The following GNG7 variants were observed in gnomAD, a reference collection of about 807,000 sequenced individuals.
The protein encoded by GNG7 is guanine nucleotide-binding protein G(I)/G(S)/G(O) subunit gamma-7.
A neutral mutation model predicts 4.0 loss-of-function variants in GNG7; 1 was observed. That is an observed-to-expected ratio of 0.25 (90% CI 0.09 to 1.18). The LOEUF (loss-of-function observed/expected upper bound fraction) is 1.18. Ranked by LOEUF, GNG7 falls within the 50% of genes most tolerant of loss-of-function variation. The pLI, the probability that GNG7 is intolerant of heterozygous loss-of-function variation, is 0.50. For missense variants in GNG7, 86 were observed against 91.9 expected, an observed-to-expected ratio of 0.94 and a Z score of 0.26; for synonymous variants, 34 against 36.9, an observed-to-expected ratio of 0.92 and a Z score of 0.29.
chr19:2,568,781 CAT>C (rs1405811819), intron 2 of GNG7, among the ~76,000 whole-genome samples: 6 of 133,506 alleles, frequency 4.5e-5, no homozygotes, highest in Admixed American at 4.3e-4. Context: ...CATAAATACA[CAT>C]ACACACATAT....
intron 3 of GNG7, among the ~76,000 whole-genome samples, chr19:2,542,677 A>G (rs921801503): frequency 6.6e-6 from 1 of 152,092 alleles, no homozygotes; most frequent in African/African-American, 2.4e-5. Context: ...GCCACCACAT[A>G]TGCAGTAGTT....
Position 2,614,683 on chromosome 19 carries a change from A to AC in GNG7, c.-78+31540dup, listed in dbSNP as rs1293215978. ...GGAGGGCCACGCTGTTTATCTATTT[A>AC]CCCACGGACGGACACTTGGGTCATT... is the stretch of plus-strand genomic sequence containing the variant. On this transcript the variant is annotated intron_variant, in intron 2 of 4. Coordinates refer to ENST00000382159, the MANE Select transcript of GNG7 (RefSeq NM_052847.3). This position sits in a 1 kb window ranked among gnomAD's most constrained non-coding sequence, Gnocchi z 6.0. 6.6e-6 allele frequency among the ~76,000 whole-genome samples: 1 copy of AC among 152,046 alleles called. No individual in the cohort carries two copies. The highest frequency in any genetic ancestry group is 1.5e-5 in the Non-Finnish European group (1 of 68,026).
chr19:2,565,091 T>G (rs1270071825), intron 2 of GNG7, among the ~76,000 whole-genome samples: 1 of 152,144 alleles, frequency 6.6e-6, no homozygotes, highest in African/African-American at 2.4e-5. Flanking sequence ...CCTGTAGCCA[T>G]GACAACAGAA....
At chr19:2,671,385 C>A (rs557133697) in intron 1 of GNG7, among the ~76,000 whole-genome samples, 118 of 152,204 alleles carry the variant, frequency 7.8e-4, no homozygotes, top group Non-Finnish European at 1.3e-3. Flanking sequence ...CCAGCACCAG[C>A]CAAAAGGACC....
intron 2 of GNG7, among the ~76,000 whole-genome samples, chr19:2,619,592 G>A (rs1981811858): frequency 6.6e-6 from 1 of 152,204 alleles, no homozygotes; most frequent in Non-Finnish European, 1.5e-5. Flanking sequence ...GCCATGAAAA[G>A]GAACAAGGCT....
intron 2 of GNG7, among the ~76,000 whole-genome samples, chr19:2,563,506 T>A (rs1295474514): frequency 2.0e-5 from 3 of 151,106 alleles, no homozygotes; most frequent in African/African-American, 7.3e-5. Flanking sequence ...TTGAGATAGG[T>A]TTCATTTCTG....
chr19:2,575,082 TTTCTTTC>T (rs1568249630), intron 2 of GNG7, among the ~76,000 whole-genome samples: 3 of 127,142 alleles, frequency 2.4e-5, no homozygotes, highest in African/African-American at 4.2e-5. Flanking sequence ...CCTTTTTTTC[TTTCTTTC>T]TTTTTTTTTT....
At chr19:2,627,534 G>A (rs558471106) in intron 2 of GNG7, among the ~76,000 whole-genome samples, 4 of 152,354 alleles carry the variant, frequency 2.6e-5, no homozygotes, top group East Asian at 1.9e-4. Flanking sequence ...CCACCCAGGC[G>A]TGCCAGCCAG....
At chr19:2,596,843 T>C (rs1411279696) in intron 2 of GNG7, among the ~76,000 whole-genome samples, 1 of 152,200 alleles carries the variant, frequency 6.6e-6, no homozygotes, top group African/African-American at 2.4e-5. Context: ...TCTTTACAAA[T>C]ATATTCTCAA....
At chr19:2,556,382 C>CTGGGCCGGGT (rs1979544937) in intron 2 of GNG7, among the ~76,000 whole-genome samples, 2 of 152,246 alleles carry the variant, frequency 1.3e-5, no homozygotes, top group South Asian at 4.1e-4. Flanking sequence ...CGAGGCCGGG[C>CTGGGCCGGGT]TGGGCCGGGT....
intron 1 of GNG7, among the ~76,000 whole-genome samples, chr19:2,650,183 C>CTTTTTTTTTTT (rs529803793): frequency 2.4e-5 from 3 of 125,994 alleles, no homozygotes; most frequent in Non-Finnish European, 3.2e-5. Flanking sequence ...TCATAGGAAT[C>CTTTTTTTTTTT]TTTTTTTTTT....
At chr19:2,644,503 CATAAA>C (rs1162015247) in intron 2 of GNG7, among the ~76,000 whole-genome samples, 4 of 151,530 alleles carry the variant, frequency 2.6e-5, no homozygotes, top group Admixed American at 6.6e-5. Flanking sequence ...AGAAAAAAAT[CATAAA>C]ATAAAAAGAA....
intron 1 of GNG7, among the ~76,000 whole-genome samples, chr19:2,663,881 C>T (rs1599450154): frequency 1.3e-5 from 2 of 152,258 alleles, no homozygotes; most frequent in African/African-American, 4.8e-5. Context: ...GGGGTGGGGC[C>T]GTTCTGGGCA....
chr19:2,513,058 C>CG lies in GNG7; in HGVS notation c.*1963dup, dbSNP rs961237216. ...GGACCTGCCGTAGAGAGCTGGGTGC[C>CG]GGGGGTGGGGAGCCCGGCTGTGGCC... is the stretch of plus-strand genomic sequence containing the variant. On this transcript the variant is annotated 3_prime_UTR_variant, in exon 5 of 5. Coordinates refer to ENST00000382159, the MANE Select transcript of GNG7 (RefSeq NM_052847.3). The CG allele has an allele frequency of 6.1e-6, 6 of 985,416 alleles. No individual in the cohort carries two copies. The African/African-American group carries it at 1.0e-4, about 17-fold the overall frequency. The allele number at this position is 985,416 out of a possible 1,614,324, so 61.0% of individuals were successfully genotyped here. A position where few individuals can be genotyped will look rare whatever the true frequency, so the allele number is the denominator to read the frequency against.
At chr19:2,516,465 C>T (rs1476684903) in intron 4 of GNG7, among the ~76,000 whole-genome samples, 2 of 152,044 alleles carry the variant, frequency 1.3e-5, no homozygotes, top group East Asian at 3.9e-4. Context: ...TTCAAGTGAT[C>T]CACCTGCCTT....
At position 2,546,319 on chromosome 19, in the gene GNG7, C is replaced by T. The variant is rs1307646321; in HGVS notation, c.-38+8830G>A. Among the ~76,000 whole-genome samples, 29 of 152,368 alleles carry T rather than the reference C, an allele frequency of 1.9e-4. No homozygotes were observed. Among genetic ancestry groups the T allele is most frequent in the Non-Finnish European group, 1.6e-4 (11 of 68,028 alleles). On this transcript the variant is annotated intron_variant, in intron 3 of 4. Coordinates refer to ENST00000382159, the MANE Select transcript of GNG7 (RefSeq NM_052847.3). The surrounding 1 kb of genome is among the most constrained non-coding windows in gnomAD (Gnocchi z 6.3). ...ACCCACCCTGCACCTGCAGCCTCTC[C>T]AGGGCCAGGTCGCCCAGCAGGGCCT...
intron 2 of GNG7, among the ~76,000 whole-genome samples, chr19:2,615,619 C>T (rs113492380): frequency 2.6e-4 from 39 of 151,930 alleles, no homozygotes; most frequent in African/African-American, 9.2e-4. Flanking sequence ...CCCACCACCA[C>T]GCCTGGCTAA....
chr19:2,672,978 C>T (rs972009203), intron 1 of GNG7, among the ~76,000 whole-genome samples: 5 of 150,762 alleles, frequency 3.3e-5, no homozygotes, highest in African/African-American at 1.2e-4. Context: ...CTAGGTTGGC[C>T]GGGTGCGGTG....
chr19:2,559,814 AAGGTGT>A (rs1555693860), intron 2 of GNG7, among the ~76,000 whole-genome samples: 9 of 92,438 alleles, frequency 9.7e-5, no homozygotes, highest in African/African-American at 2.5e-4. Context: ...GCCTGGCTCA[AAGGTGT>A]CTTCTTGAAT....
Sources: allele counts gnomAD v4.1 joint callset (sites outside exome capture counted in the v4.1 genomes callset), GRCh38; gene constraint gnomAD v4.1.1; non-coding constraint Gnocchi (gnomAD v3.1); transcripts MANE v1.5; gene names NCBI Gene and HGNC (gene_info 2026-07-23, HGNC 2026-07-21).